PCSK6: variants seen among roughly 807,000 people sequenced by gnomAD.
PCSK6 encodes the protein paired basic amino acid cleaving enzyme 4.
A neutral mutation model predicts 123.3 loss-of-function variants in PCSK6; 85 were observed. The ratio of observed to expected loss-of-function variants is 0.69; its 90% CI spans 0.58 to 0.83. The LOEUF (loss-of-function observed/expected upper bound fraction) is 0.83, where lower values mean the gene tolerates loss of function less well. Among genes scored for constraint, PCSK6 ranks in the 40% least tolerant of loss-of-function variants. PCSK6 has a pLI of 0.00. For synonymous variants in PCSK6, 508 were observed against 516.0 expected (o/e 0.98, Z 0.21); for missense variants, 1,191 against 1,282.3 (o/e 0.93, Z 1.09).
In PCSK6 at chr15:101,392,939, T is replaced by C. The variant is rs76992740; in HGVS notation, c.1209+273A>G. 4.8e-3 allele frequency among the ~76,000 whole-genome samples: 731 copies of C among 152,274 alleles called. 8 individuals carry two copies. Among genetic ancestry groups the C allele is most frequent in the African/African-American group, 0.016 (680 of 41,548 alleles). Reference sequence around the variant, plus strand: ...AAGACATCATGAGAAGGAACCTCGTTCTTAAATAATATTTTTAGATCTCTA... The same window carrying C: ...AAGACATCATGAGAAGGAACCTCGTCCTTAAATAATATTTTTAGATCTCTA... On this transcript the variant is annotated intron_variant, in intron 8 of 21. Coordinates refer to ENST00000611716, the MANE Select transcript of PCSK6 (RefSeq NM_002570.5).
chr15:101,367,524 A>G (rs1994965), intron 12 of PCSK6, among the ~76,000 whole-genome samples: 44,613 of 152,142 alleles, frequency 0.29, 6,893 homozygotes, highest in Admixed American at 0.43. Context: ...CTTTCTTCTA[A>G]GAAATGGCAA....
intron 13 of PCSK6, among the ~76,000 whole-genome samples, chr15:101,351,497 G>C (rs2040889451): frequency 6.6e-6 from 1 of 152,208 alleles, no homozygotes; most frequent in South Asian, 2.1e-4. Flanking sequence ...AACTGTTCAT[G>C]CATGGCAGCC....
chr15:101,429,889 C>A, intron 5 of PCSK6, 98 bp downstream of exon 5: 1 of 1,052,794 alleles, frequency 9.5e-7, no homozygotes, highest in Non-Finnish European at 1.5e-6. Flanking sequence ...GAAGATACGC[C>A]GGCAGCCACC....
At chr15:101,477,436 G>C (rs963181795) in intron 1 of PCSK6, among the ~76,000 whole-genome samples, 6 of 152,066 alleles carry the variant, frequency 3.9e-5, no homozygotes, top group African/African-American at 1.4e-4. Context: ...AAAATAATTG[G>C]AACTCCAAAA....
intron 11 of PCSK6, among the ~76,000 whole-genome samples, chr15:101,372,265 G>A (rs1005533891): frequency 5.9e-5 from 9 of 152,188 alleles, no homozygotes; most frequent in African/African-American, 2.2e-4. Flanking sequence ...ATTACGGGGA[G>A]CGCTTTTCCC....
chr15:101,407,784 G>A (rs937954018), intron 6 of PCSK6, among the ~76,000 whole-genome samples: 2 of 152,210 alleles, frequency 1.3e-5, no homozygotes, highest in Non-Finnish European at 2.9e-5. Context: ...GTACTGGGAC[G>A]CATCCTCTTG....
chr15:101,463,461 T>C (rs2057384220), intron 1 of PCSK6, among the ~76,000 whole-genome samples: 1 of 152,224 alleles, frequency 6.6e-6, no homozygotes, highest in Non-Finnish European at 1.5e-5. Flanking sequence ...TGGTGGTTTC[T>C]CTGAACTCCG....
At chr15:101,409,631 C>T (rs906349492) in intron 6 of PCSK6, among the ~76,000 whole-genome samples, 5 of 151,378 alleles carry the variant, frequency 3.3e-5, no homozygotes, top group Non-Finnish European at 5.9e-5. Flanking sequence ...ATGCAGTGTC[C>T]CTCATGACAC....
At chr15:101,412,057 A>C (rs880452) in intron 6 of PCSK6, among the ~76,000 whole-genome samples, 50,983 of 151,996 alleles carry the variant, frequency 0.34, 10,542 homozygotes, top group African/African-American at 0.59. Context: ...AGTGGGAACC[A>C]CTGCCCCTTC....
intron 1 of PCSK6, among the ~76,000 whole-genome samples, chr15:101,455,135 T>C (rs2141186542): frequency 6.7e-6 from 1 of 150,064 alleles, no homozygotes; most frequent in South Asian, 2.1e-4. Context: ...TTTTCTATTA[T>C]GTGTATTTGA....
rs149881733 is a variant in PCSK6, at chr15:101,474,356, A to C, written c.297+15018T>G. Among the ~76,000 whole-genome samples, 74 of 152,338 alleles carry C rather than the reference A, an allele frequency of 4.9e-4. No individual in the cohort carries two copies. The East Asian group carries it at 0.014, about 28-fold the overall frequency. On this transcript the variant is annotated intron_variant, in intron 1 of 21. Transcript: ENST00000611716. Reference sequence around the variant, plus strand: ...CATGGGGTCTAACAGACATAAAACCACAGGCCTCTGCTGTGACCCTCGGAG... The same window carrying C: ...CATGGGGTCTAACAGACATAAAACCCCAGGCCTCTGCTGTGACCCTCGGAG...
At chr15:101,434,104 G>A (rs534301904) in intron 2 of PCSK6, among the ~76,000 whole-genome samples, 1 of 152,188 alleles carries the variant, frequency 6.6e-6, no homozygotes, top group Non-Finnish European at 1.5e-5. Context: ...ACCGGCTGAT[G>A]GCATTTTGCA....
Position 101,370,407 on chromosome 15 carries a change from T to G in PCSK6, c.1649A>C (p.His550Pro). The stretch of plus-strand genomic sequence containing the variant: ...GATCTGGAGGTCTCCTCGGCGTGGG[T>G]GTGAGATGGAGGTGCGAACCACCAC... ...EHVVVRTSIS[H>P]PRRGDLQIYL... The change falls in exon 12 of 22, where the codon CAC (histidine) becomes CCC (proline). Residue 550 changes from histidine (H) to proline (P), a missense_variant. By Grantham distance (77) the His-to-Pro change is moderately conservative. Transcript: ENST00000611716. 1 of 1,552,564 alleles carries G rather than the reference T, an allele frequency of 6.4e-7. No individual in the cohort carries two copies. The highest frequency in any genetic ancestry group is 8.7e-7 in the Non-Finnish European group (1 of 1,147,562).
intron 6 of PCSK6, among the ~76,000 whole-genome samples, chr15:101,406,895 T>C (rs2042797873): frequency 6.6e-6 from 1 of 152,224 alleles, no homozygotes. Flanking sequence ...ACGCTCCTTA[T>C]GGGCATGTCC....
At chr15:101,360,320 A>T (rs1328608157) in intron 13 of PCSK6, among the ~76,000 whole-genome samples, 1 of 152,116 alleles carries the variant, frequency 6.6e-6, no homozygotes, top group Non-Finnish European at 1.5e-5. Context: ...CTCTGCCTAA[A>T]ATCTCTCAGT....
intron 13 of PCSK6, among the ~76,000 whole-genome samples, chr15:101,362,082 A>G (rs574835832): frequency 1.2e-4 from 18 of 148,156 alleles, no homozygotes; most frequent in African/African-American, 2.5e-4. Flanking sequence ...TCAGCCTCCC[A>G]AGTAGCTGGG....
At chr15:101,388,491 T>G (rs112912050) in intron 9 of PCSK6, among the ~76,000 whole-genome samples, 14 of 150,558 alleles carry the variant, frequency 9.3e-5, no homozygotes, top group African/African-American at 3.4e-4. Context: ...CTTTTCTTTC[T>G]GAACCAACAA....
intron 5 of PCSK6, among the ~76,000 whole-genome samples, chr15:101,429,277 G>T (rs898006947): frequency 6.6e-6 from 1 of 152,140 alleles, no homozygotes; most frequent in African/African-American, 2.4e-5. Flanking sequence ...TGACCCCAGG[G>T]CTGCCGTTTA....
rs1444282639 is a variant in PCSK6 at position 101,305,148 on chromosome 15, C to T, written c.*110G>A. 12 of 869,324 alleles carry T rather than the reference C, an allele frequency of 1.4e-5. No individual in the cohort carries two copies. Among genetic ancestry groups the T allele is most frequent in the South Asian group, 6.0e-5 (4 of 66,602 alleles). 53.9% of individuals were successfully genotyped at this position (869,324 alleles called of 1,614,324 possible). ...AGATGCTGCTCCTGGGGAGATAAAG[C>T]TGTCAGGTGCAGGGCGCCGCTCCTG... On this transcript the variant is annotated 3_prime_UTR_variant, in exon 22 of 22. Transcript: ENST00000611716. The surrounding 1 kb of genome is among the most constrained non-coding windows in gnomAD (Gnocchi z 4.8).
Sources: allele counts gnomAD v4.1 joint callset (sites outside exome capture counted in the v4.1 genomes callset), GRCh38; gene constraint gnomAD v4.1.1; non-coding constraint Gnocchi (gnomAD v3.1); transcripts MANE v1.5; gene names NCBI Gene and HGNC (gene_info 2026-07-23, HGNC 2026-07-21).